The following LYST variants were observed in gnomAD, a reference collection of about 807,000 sequenced individuals.
LYST encodes the protein lysosomal-trafficking regulator.
Under a neutral mutation model 413.6 loss-of-function variants are expected in LYST, and 192 were observed. That is an observed-to-expected ratio of 0.46 (90% CI 0.41 to 0.52). LYST has a LOEUF of 0.52. Among genes scored for constraint, LYST ranks in the 20% least tolerant of loss-of-function variants. The pLI, the probability that LYST is intolerant of heterozygous loss-of-function variation, is 0.00. For missense variants in LYST, 3,815 were observed against 4,499.9 expected (o/e 0.85, Z 4.35); for synonymous variants, 1,525 against 1,567.3 (o/e 0.97, Z 0.64).
chr1:235,745,211 T>C (rs1319241996), intron 29 of LYST, among the ~76,000 whole-genome samples: 2 of 152,196 alleles, frequency 1.3e-5, no homozygotes, highest in Admixed American at 6.5e-5. Context: ...CTCACATAGT[T>C]ACCACTTTTT....
At chr1:235,767,785 T>C (rs1668285933) in intron 20 of LYST, among the ~76,000 whole-genome samples, 2 of 152,292 alleles carry the variant, frequency 1.3e-5, no homozygotes, top group South Asian at 4.1e-4. Context: ...ATCTGGCTCT[T>C]GCCTTATCCA....
At chr1:235,692,460 A>C (rs1322368097) in intron 47 of LYST, among the ~76,000 whole-genome samples, 1 of 151,488 alleles carries the variant, frequency 6.6e-6, no homozygotes, top group Admixed American at 6.6e-5. Flanking sequence ...GGCTCACTGC[A>C]ACCTCTGCCT....
intron 3 of LYST, among the ~76,000 whole-genome samples, chr1:235,825,927 T>G (rs1675281401): frequency 6.6e-6 from 1 of 152,166 alleles, no homozygotes; most frequent in Admixed American, 6.5e-5. Context: ...ATTTCCAAAC[T>G]TATTTTTATA....
At chr1:235,799,146 G>T (rs147065243) in intron 10 of LYST, among the ~76,000 whole-genome samples, 3 of 152,256 alleles carry the variant, frequency 2.0e-5, no homozygotes, top group Non-Finnish European at 4.4e-5. Context: ...AAATGAATGA[G>T]AAGAGAAAGC....
intron 44 of LYST, among the ~76,000 whole-genome samples, chr1:235,704,099 T>A (rs1661765779): frequency 6.6e-6 from 1 of 152,250 alleles, no homozygotes; most frequent in Admixed American, 6.5e-5. Flanking sequence ...TTCTTTTTTA[T>A]GGCTGCAAAG....
rs779446934 is a variant in LYST, at chr1:235,686,902, C to T, written c.10800+47G>A. ...TATACTTCATAAAGGCTTTCTTCCC[C>T]TCATTGACAAAGTCCCATACTACCC... On this transcript the variant is annotated intron_variant, in intron 48 of 52. Transcript: ENST00000389793. The surrounding 1 kb of genome is among the most constrained non-coding windows in gnomAD (Gnocchi z 4.0). The T allele has an allele frequency of 2.2e-6, 3 of 1,347,340 alleles. No individual in the cohort carries two copies. Among genetic ancestry groups the T allele is most frequent in the Non-Finnish European group, 3.2e-6 (3 of 936,474 alleles). The allele number at this position is 1,347,340 out of a possible 1,614,324, so 83.5% of individuals were successfully genotyped here.
intron 47 of LYST, among the ~76,000 whole-genome samples, chr1:235,689,708 C>T (rs754926570): frequency 3.3e-5 from 5 of 152,052 alleles, no homozygotes; most frequent in Non-Finnish European, 2.9e-5. Flanking sequence ...GTTAATTAGC[C>T]TGACTGTAGT....
intron 28 of LYST, among the ~76,000 whole-genome samples, chr1:235,747,970 T>G (rs907895945): frequency 3.1e-4 from 47 of 152,274 alleles, no homozygotes; most frequent in African/African-American, 1.1e-3. Context: ...ACAAGTTCCA[T>G]GAAGACTGAT....
At chr1:235,796,032 GA>G (rs1306124020) in intron 10 of LYST, among the ~76,000 whole-genome samples, 13 of 151,872 alleles carry the variant, frequency 8.6e-5, no homozygotes, top group Admixed American at 7.9e-4. Flanking sequence ...GGTTGGGATT[GA>G]AAAAATGTCT....
chr1:235,832,846 C>T (rs999240324), intron 2 of LYST, among the ~76,000 whole-genome samples: 2 of 151,968 alleles, frequency 1.3e-5, no homozygotes, highest in Admixed American at 1.3e-4. Flanking sequence ...TACTCCAAGG[C>T]GCTTTATATT....
intron 1 of LYST, among the ~76,000 whole-genome samples, chr1:235,852,299 C>T (rs1218953659): frequency 2.0e-5 from 3 of 152,108 alleles, no homozygotes; most frequent in Non-Finnish European, 2.9e-5. Context: ...TATGTTTTGC[C>T]CCATTCTCCC....
In LYST at chr1:235,844,848, C is replaced by T. The variant is rs536841476; in HGVS notation, c.-97-11181G>A. Among the ~76,000 whole-genome samples the T allele has an allele frequency of 7.8e-4, 119 of 152,270 alleles. 1 individual carries two copies. Among genetic ancestry groups the T allele is most frequent in the African/African-American group, 2.8e-3 (115 of 41,550 alleles). ...AGCCAGTTAAAACATATCAGTTGAA[C>T]TGTACAATATTTAAGCAAGAAAATA... On this transcript the variant is annotated intron_variant, in intron 1 of 52. Coordinates refer to ENST00000389793, the MANE Select transcript of LYST (RefSeq NM_000081.4).
chr1:235,661,447 T>C lies in LYST; in HGVS notation c.*1493A>G, dbSNP rs932330391. The stretch of plus-strand genomic sequence containing the variant: ...GAGTAATCTCATCTCTGCACCTCCA[T>C]GGACCTCAGGATTCACACCTGGCCT... On this transcript the variant is annotated 3_prime_UTR_variant, in exon 53 of 53. Coordinates refer to ENST00000389793, the MANE Select transcript of LYST (RefSeq NM_000081.4). 2 of 152,308 alleles carry C rather than the reference T, an allele frequency of 1.3e-5. No individual in the cohort carries two copies. Among genetic ancestry groups the C allele is most frequent in the African/African-American group, 2.4e-5 (1 of 41,440 alleles). 9.4% of individuals were successfully genotyped at this position (152,308 alleles called of 1,614,324 possible).
Position 235,662,760 on chromosome 1 carries a change from G to C in LYST, c.*180C>G. The C allele has an allele frequency of 2.8e-6, 2 of 703,520 alleles. No homozygotes were observed. The highest frequency in any genetic ancestry group is 3.0e-5 in the South Asian group (2 of 65,804). The allele number at this position is 703,520 out of a possible 1,614,324, so 43.6% of individuals were successfully genotyped here. On this transcript the variant is annotated 3_prime_UTR_variant, in exon 53 of 53. Coordinates refer to ENST00000389793, the MANE Select transcript of LYST (RefSeq NM_000081.4). The stretch of plus-strand genomic sequence containing the variant: ...TCCAGATTATCACTAAAATAGAACA[G>C]AACTTTCCTCTTAGGATCATGTGAC...
At position 235,773,515 on chromosome 1, in the gene LYST, G is replaced by A. The variant is rs75807118; in HGVS notation, c.5784+327C>T. 3.3e-5 allele frequency among the ~76,000 whole-genome samples: 5 copies of A among 152,248 alleles called. No homozygotes were observed. The East Asian group carries it at 9.6e-4, about 29-fold the overall frequency. ...ATATGCTACAACACAGATGAGCCTT[G>A]AAGACATTAAGCTAAGTGAAATAAG... is the stretch of plus-strand genomic sequence containing the variant. On this transcript the variant is annotated intron_variant, in intron 19 of 52. Transcript: ENST00000389793.
At chr1:235,702,724 C>A (rs370548588) in intron 45 of LYST, 23 bp downstream of exon 45, 1 of 1,595,152 alleles carries the variant, frequency 6.3e-7, no homozygotes, top group Admixed American at 1.7e-5. Flanking sequence ...TTGCTGCACT[C>A]GATTGAAATC....
At chr1:235,803,158 T>C in intron 7 of LYST, 94 bp from the exon 8 acceptor site, 1 of 1,029,004 alleles carries the variant, frequency 9.7e-7, no homozygotes, top group Non-Finnish European at 1.5e-6. Context: ...ACAGTTTCAA[T>C]ATTTTCTTGA....
chr1:235,846,893 A>G (rs538288704), intron 1 of LYST, among the ~76,000 whole-genome samples: 1 of 152,194 alleles, frequency 6.6e-6, no homozygotes, highest in South Asian at 2.1e-4. Flanking sequence ...AAATGACCAC[A>G]CCTAAGAATA....
At chr1:235,707,781 A>G (rs1384404503) in intron 44 of LYST, among the ~76,000 whole-genome samples, 1 of 152,224 alleles carries the variant, frequency 6.6e-6, no homozygotes, top group East Asian at 1.9e-4. Context: ...ACTGCTAAAT[A>G]AATTATTCTA....
Sources: gnomAD v4.1 joint callset for allele counts (sites outside exome capture counted in the v4.1 genomes callset) on GRCh38, gnomAD v4.1.1 for gene constraint, Gnocchi (gnomAD v3.1) non-coding constraint, MANE v1.5 for transcripts, NCBI Gene and HGNC (gene_info 2026-07-23, HGNC 2026-07-21) for gene names.